The following PGK1 variants were observed in gnomAD, a reference collection of about 807,000 sequenced individuals.
The protein encoded by PGK1 is phosphoglycerate kinase 1.
In PGK1, 3 loss-of-function variants were observed where a neutral mutation model predicts 26.9. The ratio of observed to expected loss-of-function variants is 0.11; its 90% CI spans 0.05 to 0.29. PGK1 has a LOEUF of 0.29. Ranked by LOEUF, PGK1 falls within the 10% of genes least tolerant of loss-of-function variation. PGK1 has a pLI of 1.00. For missense variants in PGK1, 270 were observed against 314.7 expected (o/e 0.86, Z 1.07); for synonymous variants, 125 against 115.3 (o/e 1.08, Z -0.54).
intron 1 of PGK1, among the ~76,000 whole-genome samples, chrX:78,105,316 G>A (rs2078266896): frequency 9.0e-6 from 1 of 111,717 alleles, no homozygotes; most frequent in African/African-American, 3.3e-5. Flanking sequence ...TGCATACCAG[G>A]AGCAAGGTGC....
rs782360656 is a variant in PGK1 at position 78,123,326 on chromosome X, C to G, written c.888C>G (p.Ala296=). The G allele has an allele frequency of 2.9e-5, 35 of 1,206,961 alleles. 1 individual carries two copies. The highest frequency in any genetic ancestry group is 2.8e-4 in the South Asian group (16 of 56,525). ...FVTADKFDEN[A]KTGQATVASG... ...CTGCTGACAAGTTTGATGAGAATGC[C>G]AAGACTGGCCAAGCCACTGTGGCTT... Residue 296 remains alanine (A), a synonymous_variant, in exon 8 of 11, where the codon GCC becomes GCG. Transcript: ENST00000373316.
chrX:78,115,732 T>C (rs1557247397), intron 4 of PGK1, among the ~76,000 whole-genome samples: 1 of 112,561 alleles, frequency 8.9e-6, no homozygotes, highest in Non-Finnish European at 1.9e-5. Flanking sequence ...ATTGATCTTT[T>C]AAGGGCCTTC....
At chrX:78,123,955 G>A (rs2078370060) in intron 8 of PGK1, among the ~76,000 whole-genome samples, 1 of 111,391 alleles carries the variant, frequency 9.0e-6, no homozygotes, top group Non-Finnish European at 1.9e-5. Flanking sequence ...TGTGTATTAA[G>A]TACTTACTGC....
At chrX:78,104,694 C>T (rs1557245991) in intron 1 of PGK1, among the ~76,000 whole-genome samples, 2 of 111,276 alleles carry the variant, frequency 1.8e-5, no homozygotes, top group African/African-American at 6.6e-5. Flanking sequence ...AATGCAGTTC[C>T]GTTGCCTCCA....
intron 6 of PGK1, among the ~76,000 whole-genome samples, chrX:78,119,046 A>G (rs908294261): frequency 3.6e-5 from 4 of 111,432 alleles, no homozygotes; most frequent in African/African-American, 1.3e-4. Context: ...ATAGGTGCTC[A>G]TTTAGCAATT....
At position 78,125,028 on chromosome X, in the gene PGK1, C is replaced by A; in HGVS notation, c.1091C>A (p.Ser364Tyr). ...ALMDEVVKAT[S>Y]RGCITIIGGG... Reference sequence around the variant, plus strand: ...ATGGATGAGGTGGTGAAAGCCACTTCTAGGGGCTGCATCACCATCATAGGT... The same window carrying A: ...ATGGATGAGGTGGTGAAAGCCACTTATAGGGGCTGCATCACCATCATAGGT... Residue 364 changes from serine to tyrosine, a missense_variant, in exon 9 of 11, where the codon TCT becomes TAT. By Grantham distance (144) the Ser-to-Tyr change is moderately radical. Coordinates refer to ENST00000373316, the MANE Select transcript of PGK1 (RefSeq NM_000291.4). The A allele has an allele frequency of 8.3e-7, 1 of 1,209,358 alleles. No individual in the cohort carries two copies. Among genetic ancestry groups the A allele is most frequent in the Non-Finnish European group, 1.1e-6 (1 of 893,402 alleles).
rs191984986 is a variant in PGK1 at position 78,116,120 on chromosome X, A to G, written c.418-1192A>G. ...AGTGATCCTCCCATATTGGCCTCCCAAAGTGTTGGGATTATAGGTGTGAGC... is the reference window on the plus strand; with the variant it reads ...AGTGATCCTCCCATATTGGCCTCCCGAAGTGTTGGGATTATAGGTGTGAGC... On this transcript the variant is annotated intron_variant, in intron 4 of 10. Transcript: ENST00000373316. Among the ~76,000 whole-genome samples the G allele has an allele frequency of 3.6e-3, 398 of 110,136 alleles. 1 individual carries two copies. Among genetic ancestry groups the G allele is most frequent in the African/African-American group, 0.013 (383 of 30,240 alleles).
Position 78,109,898 on chromosome X carries a change from C to G in PGK1, c.97C>G (p.Gln33Glu), listed in dbSNP as rs782518190. The change falls in exon 2 of 11, where the codon CAG becomes GAG. Residue 33 changes from glutamine to glutamate, a missense_variant. Around this residue, in one of 3 missense-constraint regions of PGK1, gnomAD observed 150 missense variants for 154.6 expected, o/e 0.97. Transcript: ENST00000373316. Reference protein sequence around the residue: ...VDFNVPMKNNQITNNQRIKAA... With the variant: ...VDFNVPMKNNEITNNQRIKAA... ...CTTCAATGTTCCTATGAAGAACAAC[C>G]AGATAACAAACAACCAGAGGTAAGG... 7 of 1,195,877 alleles carry G rather than the reference C, an allele frequency of 5.9e-6. No homozygotes were observed. The highest frequency in any genetic ancestry group is 7.9e-6 in the Non-Finnish European group (7 of 881,332).
chrX:78,104,433 C>T, intron 1 of PGK1, 28 bp downstream of exon 1: 1 of 1,084,105 alleles, frequency 9.2e-7, no homozygotes, highest in Non-Finnish European at 1.3e-6. Context: ...CCCGCGTGCT[C>T]TCTGTGCTCT....
intron 7 of PGK1, 106 bp downstream of exon 7, chrX:78,123,055 C>T (rs1476302572): frequency 4.1e-6 from 3 of 726,773 alleles, no homozygotes; most frequent in Non-Finnish European, 6.5e-6. Context: ...TGAAAATTCC[C>T]ATTTTTATTT....
chrX:78,125,668 A>G lies in PGK1; in HGVS notation c.1214-122A>G, dbSNP rs782692475. The G allele has an allele frequency of 4.3e-6, 3 of 692,283 alleles. No individual in the cohort carries two copies. The African/African-American group carries it at 6.4e-5, about 15-fold the overall frequency. The allele number at this position is 692,283 out of a possible 1,213,427, so 57.1% of individuals were successfully genotyped here. On this transcript the variant is annotated intron_variant, in intron 10 of 10. Transcript: ENST00000373316. Reference sequence around the variant, plus strand: ...GGAATCCACAATGTAAAAGTTGGCCAGCTCCTGGCCATATATCCTAAAAAA... The same window carrying G: ...GGAATCCACAATGTAAAAGTTGGCCGGCTCCTGGCCATATATCCTAAAAAA...
At position 78,128,994 on chromosome X, in the gene PGK1, G is replaced by T. The variant is rs1301154776; in HGVS notation, c.*3164G>T. 2 of 102,317 alleles carry T rather than the reference G, an allele frequency of 2.0e-5. No homozygotes were observed. Among genetic ancestry groups the T allele is most frequent in the African/African-American group, 7.3e-5 (2 of 27,303 alleles). The allele number at this position is 102,317 out of a possible 1,213,427, so 8.4% of individuals were successfully genotyped here. A position where few individuals can be genotyped will look rare whatever the true frequency, so the allele number is the denominator to read the frequency against. On this transcript the variant is annotated 3_prime_UTR_variant, in exon 11 of 11. Transcript: ENST00000373316. ...AGGCAGGCGGGTCATGAGGTCAGGA[G>T]ATTGAGACCATCCTGGCTAACACGG...
chrX:78,109,988 T>C lies in PGK1; in HGVS notation c.116+71T>C, dbSNP rs562172678. 1.9e-5 allele frequency: 14 copies of C among 724,402 alleles called. No homozygotes were observed. The South Asian group carries it at 3.0e-4, about 15-fold the overall frequency. 59.7% of individuals were successfully genotyped at this position (724,402 alleles called of 1,213,427 possible). On this transcript the variant is annotated intron_variant, in intron 2 of 10. Coordinates refer to ENST00000373316, the MANE Select transcript of PGK1 (RefSeq NM_000291.4). The stretch of plus-strand genomic sequence containing the variant: ...GTACACAGGATGAAATGTTTTTCCT[T>C]TCATATTGTATTATGGAACTGTAGC...
Position 78,127,017 on chromosome X carries a change from G to C in PGK1, c.*1187G>C, listed in dbSNP as rs1004965396. The C allele has an allele frequency of 8.9e-6, 1 of 112,606 alleles. No individual in the cohort carries two copies. Among genetic ancestry groups the C allele is most frequent in the East Asian group, 2.8e-4 (1 of 3,617 alleles). The allele number at this position is 112,606 out of a possible 1,213,427, so 9.3% of individuals were successfully genotyped here. ...TCCAATTTGTACTTGATGCCCTCTA[G>C]GCAGGGTGTACAGCTAGCTGTTGCT... On this transcript the variant is annotated 3_prime_UTR_variant, in exon 11 of 11. Transcript: ENST00000373316.
chrX:78,104,637 G>T (rs1375899222), intron 1 of PGK1, among the ~76,000 whole-genome samples: 1 of 111,407 alleles, frequency 9.0e-6, no homozygotes, highest in Non-Finnish European at 1.9e-5. Flanking sequence ...CTGAGGAAGG[G>T]CTGAGATTGC....
intron 1 of PGK1, chrX:78,106,603 TGAA>T: frequency 1.3e-6 from 1 of 752,797 alleles, no homozygotes; most frequent in Admixed American, 8.6e-5. Flanking sequence ...CCTGCAGAAG[TGAA>T]CTATGGTATT....
Position 78,123,185 on chromosome X carries a change from C to T in PGK1, c.757-10C>T. ...ATGCTGACCTCCATCATTTTGGCTCCCCTGTGTAGATTGGCACTTCTCTGT... is the reference window on the plus strand; with the variant it reads ...ATGCTGACCTCCATCATTTTGGCTCTCCTGTGTAGATTGGCACTTCTCTGT... On this transcript the variant is annotated splice_polypyrimidine_tract_variant and intron_variant, in intron 7 of 10. Coordinates refer to ENST00000373316, the MANE Select transcript of PGK1 (RefSeq NM_000291.4). 1.7e-6 allele frequency: 2 copies of T among 1,199,837 alleles called. No individual in the cohort carries two copies. Among genetic ancestry groups the T allele is most frequent in the Non-Finnish European group, 2.3e-6 (2 of 884,809 alleles).
intron 6 of PGK1, among the ~76,000 whole-genome samples, chrX:78,118,938 GCTC>G (rs1215135797): frequency 1.8e-5 from 2 of 111,743 alleles, no homozygotes; most frequent in East Asian, 5.6e-4. Flanking sequence ...GCGCAAGAAA[GCTC>G]CTTGATGTAG....
rs148399096 is a variant in PGK1 at position 78,123,199 on chromosome X, G to C, written c.761G>C (p.Gly254Ala). The C allele has an allele frequency of 2.4e-5, 29 of 1,199,600 alleles. No individual in the cohort carries two copies. In the African/African-American group the frequency reaches 4.8e-4, roughly 20 times the overall value. The change falls in exon 8 of 11, where the codon GGC becomes GCC. Residue 254 changes from glycine to alanine, a missense_variant. By Grantham distance (60) the Gly-to-Ala change is moderately conservative. Around this residue, in one of 3 missense-constraint regions of PGK1, gnomAD observed 17 missense variants for 45.5 expected, o/e 0.37. Transcript: ENST00000373316. ...CATTTTGGCTCCCCTGTGTAGATTG[G>C]CACTTCTCTGTTTGATGAAGAGGGA... is the stretch of plus-strand genomic sequence containing the variant. ...FLKVLNNMEI[G>A]TSLFDEEGAK...
Sources: allele counts gnomAD v4.1 joint callset (sites outside exome capture counted in the v4.1 genomes callset), GRCh38; gene constraint gnomAD v4.1.1; regional missense constraint gnomAD v4.1.1; transcripts MANE v1.5; gene names NCBI Gene and HGNC (gene_info 2026-07-23, HGNC 2026-07-21).